PHLPP1: variants seen among roughly 807,000 people sequenced by gnomAD.
The protein encoded by PHLPP1 is PH domain and leucine rich repeat protein phosphatase 1.
A neutral mutation model predicts 117.2 loss-of-function variants in PHLPP1; 42 were observed. That is an observed-to-expected ratio of 0.36 (90% CI 0.28 to 0.46). PHLPP1 has a LOEUF of 0.46. Ranked by LOEUF, PHLPP1 falls within the 20% of genes least tolerant of loss-of-function variation. The probability of loss-of-function intolerance (pLI) is 1.00; values close to 1 mark genes in which losing one functional copy is unlikely to be tolerated. For missense variants in PHLPP1, 2,084 were observed against 2,241.9 expected (o/e 0.93, Z 1.42); for synonymous variants, 1,042 against 970.7 (o/e 1.07, Z -1.37).
intron 10 of PHLPP1, among the ~76,000 whole-genome samples, chr18:62,921,776 C>G (rs532504003): frequency 9.9e-4 from 151 of 152,242 alleles, no homozygotes; most frequent in African/African-American, 3.4e-3. Flanking sequence ...ATATGACTTA[C>G]ATTCAGTAAA....
chr18:62,765,933 A>G (rs1189978510), intron 1 of PHLPP1, among the ~76,000 whole-genome samples: 2 of 149,502 alleles, frequency 1.3e-5, no homozygotes, highest in African/African-American at 2.5e-5. Flanking sequence ...GGGAGGCGGA[A>G]CTTGCAGTGA....
At chr18:62,850,263 C>G (rs1259027491) in intron 3 of PHLPP1, among the ~76,000 whole-genome samples, 1 of 151,478 alleles carries the variant, frequency 6.6e-6, no homozygotes. Flanking sequence ...TGGCAGGCAC[C>G]TGTAATCCCA....
At chr18:62,724,488 G>C (rs1911011663) in intron 1 of PHLPP1, among the ~76,000 whole-genome samples, 1 of 152,176 alleles carries the variant, frequency 6.6e-6, no homozygotes, top group Non-Finnish European at 1.5e-5. Context: ...TATTTTTATA[G>C]ATGAGAAAAG....
intron 13 of PHLPP1, among the ~76,000 whole-genome samples, chr18:62,959,863 C>T (rs1356446651): frequency 2.0e-5 from 3 of 152,082 alleles, no homozygotes; most frequent in Non-Finnish European, 4.4e-5. Context: ...AATTTTGATA[C>T]ATAGTTGAAA....
chr18:62,824,131 C>CAA (rs34639796), intron 1 of PHLPP1: 1,519 of 346,276 alleles, frequency 4.4e-3, no homozygotes, highest in African/African-American at 9.5e-3. Context: ...AACTCCGTCT[C>CAA]AAAAAAAAAA....
At chr18:62,898,813 AT>A (rs888590497) in intron 6 of PHLPP1, among the ~76,000 whole-genome samples, 1 of 151,674 alleles carries the variant, frequency 6.6e-6, no homozygotes, top group African/African-American at 2.4e-5. Flanking sequence ...TATTATTATT[AT>A]TTTTTGAGAC....
intron 12 of PHLPP1, among the ~76,000 whole-genome samples, chr18:62,948,264 A>G (rs1910357969): frequency 6.6e-6 from 1 of 151,248 alleles, no homozygotes; most frequent in Admixed American, 6.6e-5. Context: ...GGGGGAAGCT[A>G]CAGTGAGCCG....
chr18:62,809,440 C>T (rs1218997727), intron 1 of PHLPP1, among the ~76,000 whole-genome samples: 2 of 152,168 alleles, frequency 1.3e-5, no homozygotes, highest in African/African-American at 4.8e-5. Context: ...GTGGCTTATG[C>T]CTGTAATCCC....
chr18:62,912,344 C>T (rs538178488), intron 8 of PHLPP1, among the ~76,000 whole-genome samples: 3 of 124,566 alleles, frequency 2.4e-5, no homozygotes, highest in African/African-American at 8.4e-5. Context: ...AAACCTGATC[C>T]ATCAAAAAAA....
intron 3 of PHLPP1, among the ~76,000 whole-genome samples, chr18:62,845,148 A>G (rs1915148516): frequency 6.6e-6 from 1 of 152,152 alleles, no homozygotes; most frequent in South Asian, 2.1e-4. Context: ...CAGCATGGTA[A>G]ATTCAGGCCT....
intron 1 of PHLPP1, among the ~76,000 whole-genome samples, chr18:62,772,088 C>G (rs1232321009): frequency 1.3e-5 from 2 of 152,186 alleles, no homozygotes; most frequent in Non-Finnish European, 2.9e-5. Flanking sequence ...CGTAACTGTG[C>G]TGTGTCTCCA....
intron 6 of PHLPP1, 80 bp downstream of exon 6, chr18:62,896,091 C>A: frequency 1.3e-6 from 1 of 797,038 alleles, no homozygotes; most frequent in Non-Finnish European, 2.1e-6. Context: ...TTAACCAAGG[C>A]AAACAAGCTG....
chr18:62,800,481 T>C (rs888151005), intron 1 of PHLPP1, among the ~76,000 whole-genome samples: 8 of 152,250 alleles, frequency 5.3e-5, no homozygotes, highest in African/African-American at 1.9e-4. Context: ...ATCTCAACTT[T>C]TTTTCTGCTT....
intron 2 of PHLPP1, among the ~76,000 whole-genome samples, chr18:62,833,750 C>T (rs1914815959): frequency 6.6e-6 from 1 of 152,158 alleles, no homozygotes; most frequent in Non-Finnish European, 1.5e-5. Context: ...CTACTGTAAA[C>T]ATTCCACAAT....
chr18:62,952,917 C>T (rs766042996), intron 12 of PHLPP1, among the ~76,000 whole-genome samples: 2 of 152,210 alleles, frequency 1.3e-5, no homozygotes, highest in African/African-American at 4.8e-5. Flanking sequence ...CCACTGCACA[C>T]AGCCATAAAT....
chr18:62,933,446 T>C (rs1341137503), intron 10 of PHLPP1, among the ~76,000 whole-genome samples: 1 of 152,002 alleles, frequency 6.6e-6, no homozygotes, highest in African/African-American at 2.4e-5. Context: ...AATAGAGACC[T>C]GGGAATAAAG....
At chr18:62,787,516 C>A (rs1347411023) in intron 1 of PHLPP1, among the ~76,000 whole-genome samples, 1 of 152,090 alleles carries the variant, frequency 6.6e-6, no homozygotes, top group East Asian at 1.9e-4. Context: ...AGAATAATTC[C>A]TAGTTTAATA....
intron 1 of PHLPP1, among the ~76,000 whole-genome samples, chr18:62,745,732 C>A (rs375314901): frequency 6.6e-6 from 1 of 152,152 alleles, no homozygotes; most frequent in Non-Finnish European, 1.5e-5. Context: ...TTGAAAAATT[C>A]ATGATTAAAA....
intron 1 of PHLPP1, among the ~76,000 whole-genome samples, chr18:62,745,871 T>G (rs555742027): frequency 1.3e-5 from 2 of 152,308 alleles, no homozygotes; most frequent in South Asian, 4.1e-4. Flanking sequence ...AGGAAAACTA[T>G]AAAGATTTGA....
Sources: gnomAD v4.1 joint callset for allele counts (sites outside exome capture counted in the v4.1 genomes callset) on GRCh38, gnomAD v4.1.1 for gene constraint, MANE v1.5 for transcripts, NCBI Gene and HGNC (gene_info 2026-07-23, HGNC 2026-07-21) for gene names.